THEM5: variants seen among roughly 807,000 people sequenced by gnomAD.
THEM5 encodes the protein acyl-coenzyme A thioesterase THEM5.
THEM5 carries 28 observed loss-of-function variants against 24.2 expected under a neutral mutation model. The observed-to-expected ratio is 1.16, with a 90% CI of 0.86 to 1.59. The LOEUF (loss-of-function observed/expected upper bound fraction) is 1.59, where lower values mean the gene tolerates loss of function less well. Ranked by LOEUF, THEM5 falls within the 40% of genes most tolerant of loss-of-function variation. The pLI is 0.00. For missense variants in THEM5, 260 were observed against 296.8 expected (o/e 0.88, Z 0.91); for synonymous variants, 87 against 114.5 (o/e 0.76, Z 1.53).
intron 3 of THEM5, among the ~76,000 whole-genome samples, 166 bp downstream of exon 3, chr1:151,850,887 G>A (rs1171016183): frequency 6.6e-6 from 1 of 152,190 alleles, no homozygotes; most frequent in East Asian, 1.9e-4. Flanking sequence ...AGATAACCCT[G>A]TGTGTCCTTC....
intron 5 of THEM5, 76 bp from the exon 6 acceptor site, chr1:151,847,490 G>A: frequency 6.3e-7 from 1 of 1,589,580 alleles, no homozygotes; most frequent in Non-Finnish European, 8.6e-7. Flanking sequence ...CTGAGCATTT[G>A]GCTGCAAATT....
chr1:151,848,281 C>A lies in THEM5; in HGVS notation c.476G>T (p.Gly159Val). Residue 159 changes from glycine to valine, a missense_variant, in exon 4 of 6, where the codon GGC becomes GTC. Transcript: ENST00000368817. ...YLEGPPGFAHGGSLAAMMDET... is the reference protein window; with the variant it reads ...YLEGPPGFAHVGSLAAMMDET... ...GTCCATCATGGCTGCCAGGGACCCG[C>A]CGTGAGCAAACCTGGGGGTGGGGTA... 6.2e-7 allele frequency: 1 copy of A among 1,614,138 alleles called. No homozygotes were observed. The highest frequency in any genetic ancestry group is 8.5e-7 in the Non-Finnish European group (1 of 1,180,012).
Position 151,852,302 on chromosome 1 carries a change from T to G in THEM5, c.281A>C (p.His94Pro), listed in dbSNP as rs1653150461. 1 of 1,613,970 alleles carries G rather than the reference T, an allele frequency of 6.2e-7. No individual in the cohort carries two copies. The highest frequency in any genetic ancestry group is 8.5e-7 in the Non-Finnish European group (1 of 1,180,038). ...AGATGGGAGCTTGAGTCCCCGGATG[T>G]GGTCTCTGTTGGACTTGAAGGAGGG... ...KLPSFKSNRD[H>P]IRGLKLPSGL... The change falls in exon 2 of 6, where the codon CAC becomes CCC. Residue 94 changes from histidine to proline, a missense_variant. By Grantham distance (77) the His-to-Pro change is moderately conservative. Coordinates refer to ENST00000368817, the MANE Select transcript of THEM5 (RefSeq NM_182578.4).
In THEM5 at chr1:151,847,839, A is replaced by C. The variant is rs1292625369; in HGVS notation, c.599T>G (p.Val200Gly). 3 of 1,614,038 alleles carry C rather than the reference A, an allele frequency of 1.9e-6. No individual in the cohort carries two copies. The highest frequency in any genetic ancestry group is 2.5e-6 in the Non-Finnish European group (3 of 1,180,012). ...CTTGTCCAGTTCTACGTCCATTACA[A>C]CCAGAGAGTCCACGGGGATCAAGCT... is the stretch of plus-strand genomic sequence containing the variant. ...FKNLIPVDSL[V>G]VMDVELDKIE... Residue 200 changes from valine to glycine, a missense_variant, in exon 5 of 6, where the codon GTT (valine) becomes GGT (glycine). Transcript: ENST00000368817.
rs201302388 is a variant in THEM5, at chr1:151,847,415, C to T, written c.701-1G>A. The T allele has an allele frequency of 6.8e-6, 11 of 1,613,954 alleles. No individual in the cohort carries two copies. The Admixed American group carries it at 1.3e-4, about 20-fold the overall frequency. The stretch of plus-strand genomic sequence containing the variant: ...TCCAACTGCAGCTGAAGGAAAACAC[C>T]TGCAAGAGAAGGGTGAGTTGAGCTG... On this transcript the variant is annotated splice_acceptor_variant, in intron 5 of 5. Coordinates refer to ENST00000368817, the MANE Select transcript of THEM5 (RefSeq NM_182578.4). LOFTEE classifies it high-confidence loss of function.
intron 1 of THEM5, among the ~76,000 whole-genome samples, chr1:151,853,044 G>A (rs930065587): frequency 1.3e-5 from 2 of 152,226 alleles, no homozygotes; most frequent in Non-Finnish European, 2.9e-5. Context: ...CACAGACTAT[G>A]TGCCCATCTG....
At chr1:151,850,931 C>T (rs899523597) in intron 3 of THEM5, 122 bp downstream of exon 3, 9 of 1,278,426 alleles carry the variant, frequency 7.0e-6, no homozygotes, top group Non-Finnish European at 9.6e-6. Flanking sequence ...AGCCTAGTGC[C>T]CCACACTCCC....
chr1:151,853,336 A>G (rs1394215198), intron 1 of THEM5, 107 bp downstream of exon 1: 7 of 1,407,214 alleles, frequency 5.0e-6, no homozygotes, highest in Non-Finnish European at 6.6e-6. Context: ...TCCTCCGAAC[A>G]CTGCCCACCT....
rs1652985274 is a variant in THEM5, at chr1:151,847,814, C to G, written c.624G>C (p.Lys208Asn). 6.2e-7 allele frequency: 1 copy of G among 1,614,104 alleles called. No homozygotes were observed. Among genetic ancestry groups the G allele is most frequent in the Non-Finnish European group, 8.5e-7 (1 of 1,180,036 alleles). ...ACATGTAAAGCTTCTGGTCCTCAAT[C>G]TTGTCCAGTTCTACGTCCATTACAA... ...SLVVMDVELD[K>N]IEDQKLYMSC... is the part of the protein sequence containing the mutation. Residue 208 changes from lysine to asparagine, a missense_variant, in exon 5 of 6, where the codon AAG (lysine) becomes AAC (asparagine). Transcript: ENST00000368817.
rs575160300 is a variant in THEM5 at position 151,852,510 on chromosome 1, T to C, written c.124-51A>G. ...AGACAGCATCCTGGAGGGGGGCTGC[T>C]GCCTGGGCTCGGGACCTCTAAACAG... On this transcript the variant is annotated intron_variant, in intron 1 of 5. Transcript: ENST00000368817. 1.3e-5 allele frequency: 20 copies of C among 1,587,918 alleles called. No homozygotes were observed. The East Asian group carries it at 4.5e-4, about 36-fold the overall frequency.
rs1558181716 is a variant in THEM5 at position 151,852,349 on chromosome 1, CTT to C, written c.232_233del (p.Lys78ValfsTer2). On this transcript the variant is annotated frameshift_variant, in exon 2 of 6. Transcript: ENST00000368817. LOFTEE classifies it high-confidence loss of function. ...SLYQEFLEKT[K>X]SSGWIKLPSF... ...AGGGCAGCTTGATCCAGCCGCTAGA[CTT>C]AGTCTTCTCCAGAAATTCTTGGTAC... is the stretch of plus-strand genomic sequence containing the variant. 1 of 1,614,166 alleles carries C rather than the reference CTT, an allele frequency of 6.2e-7. No homozygotes were observed. Among genetic ancestry groups the C allele is most frequent in the South Asian group, 1.1e-5 (1 of 91,076 alleles).
At chr1:151,847,636 C>G in intron 5 of THEM5, 102 bp downstream of exon 5, 1 of 1,515,962 alleles carries the variant, frequency 6.6e-7, no homozygotes, top group Non-Finnish European at 9.1e-7. Context: ...GAAGCTGGAC[C>G]GCAGCTTGGG....
At chr1:151,853,365 G>C in intron 1 of THEM5, 78 bp downstream of exon 1, 1 of 1,520,206 alleles carries the variant, frequency 6.6e-7, no homozygotes, top group Non-Finnish European at 8.8e-7. Flanking sequence ...CATGGGCTGG[G>C]AAGAGGAGAT....
chr1:151,853,611 T>A lies in THEM5; in HGVS notation c.-46A>T. ...CCCTGCTTGGATGGAGGGTCTTGGC[T>A]GACTCCCAAGGAGTGCTTTCAGCTG... On this transcript the variant is annotated 5_prime_UTR_variant, in exon 1 of 6. Coordinates refer to ENST00000368817, the MANE Select transcript of THEM5 (RefSeq NM_182578.4). The A allele has an allele frequency of 6.3e-7, 1 of 1,575,168 alleles. No homozygotes were observed. Among genetic ancestry groups the A allele is most frequent in the Non-Finnish European group, 8.6e-7 (1 of 1,159,854 alleles).
chr1:151,850,582 A>C (rs1439298274), intron 3 of THEM5, among the ~76,000 whole-genome samples: 1 of 152,168 alleles, frequency 6.6e-6, no homozygotes, highest in African/African-American at 2.4e-5. Context: ...ACTGTGCTTT[A>C]CGGTTCATGA....
intron 3 of THEM5, among the ~76,000 whole-genome samples, chr1:151,849,233 A>C (rs1653040035): frequency 6.6e-6 from 1 of 152,058 alleles, no homozygotes; most frequent in Non-Finnish European, 1.5e-5. Flanking sequence ...AAAAAAAAAA[A>C]AAAAAGCGTA....
intron 1 of THEM5, among the ~76,000 whole-genome samples, chr1:151,852,779 A>T (rs1350274863): frequency 6.6e-6 from 1 of 152,230 alleles, no homozygotes; most frequent in Non-Finnish European, 1.5e-5. Flanking sequence ...ACAACTGCTC[A>T]TATTAGCCTC....
chr1:151,852,516 G>T (rs1001637374), intron 1 of THEM5, 57 bp from the exon 2 acceptor site: 1 of 1,560,502 alleles, frequency 6.4e-7, no homozygotes, highest in African/African-American at 1.4e-5. Flanking sequence ...CTGCTGCCTG[G>T]GCTCGGGACC....
chr1:151,847,343 A>G lies in THEM5; in HGVS notation c.*28T>C, dbSNP rs1399046356. ...GAGGCAGGAGGCAGGCAGGGGAGGCAGTGGCTCTCCTGCAGGCACAGTGAC... is the reference window on the plus strand; with the variant it reads ...GAGGCAGGAGGCAGGCAGGGGAGGCGGTGGCTCTCCTGCAGGCACAGTGAC... On this transcript the variant is annotated 3_prime_UTR_variant, in exon 6 of 6. Coordinates refer to ENST00000368817, the MANE Select transcript of THEM5 (RefSeq NM_182578.4). 1 of 1,611,724 alleles carries G rather than the reference A, an allele frequency of 6.2e-7. No homozygotes were observed. Among genetic ancestry groups the G allele is most frequent in the South Asian group, 1.1e-5 (1 of 90,950 alleles).
Sources: gnomAD v4.1 joint callset for allele counts (sites outside exome capture counted in the v4.1 genomes callset) on GRCh38, gnomAD v4.1.1 for gene constraint, MANE v1.5 for transcripts, NCBI Gene and HGNC (gene_info 2026-07-23, HGNC 2026-07-21) for gene names.